The following PLPPR1 variants were observed in gnomAD, a reference collection of about 807,000 sequenced individuals.
PLPPR1 encodes the protein phospholipid phosphatase-related protein type 1.
Under a neutral mutation model 33.1 loss-of-function variants are expected in PLPPR1, and 10 were observed. The observed-to-expected ratio is 0.30, with a 90% confidence interval of 0.19 to 0.51. The LOEUF (loss-of-function observed/expected upper bound fraction) is 0.51, where lower values mean the gene tolerates loss of function less well. Ranked by LOEUF, PLPPR1 falls within the 20% of genes least tolerant of loss-of-function variation. The probability of loss-of-function intolerance (pLI) is 0.97; values close to 1 mark genes in which losing one functional copy is unlikely to be tolerated. For synonymous variants in PLPPR1, 151 were observed against 151.0 expected (o/e 1.00, Z 0.00); for missense variants, 304 against 408.1 (o/e 0.74, Z 2.20).
intron 3 of PLPPR1, 62 bp downstream of exon 3, chr9:101,270,130 T>C (rs778039803): frequency 1.3e-6 from 2 of 1,542,954 alleles, no homozygotes; most frequent in Non-Finnish European, 1.8e-6. Flanking sequence ...TTCTGTCTGC[T>C]TTTTCTCCTC....
At chr9:101,079,587 T>C (rs1830592603) in intron 1 of PLPPR1, among the ~76,000 whole-genome samples, 4 of 151,630 alleles carry the variant, frequency 2.6e-5, no homozygotes, top group Non-Finnish European at 5.9e-5. Context: ...GATTGCCTTT[T>C]TTTTTTTTTT....
intron 1 of PLPPR1, among the ~76,000 whole-genome samples, chr9:101,065,965 T>C (rs915831028): frequency 1.3e-5 from 2 of 152,184 alleles, no homozygotes; most frequent in Admixed American, 1.3e-4. Flanking sequence ...CCAATATTGA[T>C]ACACTTATTA....
intron 2 of PLPPR1, among the ~76,000 whole-genome samples, chr9:101,241,854 T>C (rs530738818): frequency 2.7e-4 from 41 of 152,214 alleles, no homozygotes; most frequent in African/African-American, 8.2e-4. Context: ...TTTGTAGTGG[T>C]TGCTTTAGCT....
chr9:101,147,902 T>C (rs1443415395), intron 1 of PLPPR1, among the ~76,000 whole-genome samples: 5 of 152,138 alleles, frequency 3.3e-5, no homozygotes, highest in Non-Finnish European at 7.4e-5. Flanking sequence ...CAAAGCCCAT[T>C]CTTATGGTCA....
intron 1 of PLPPR1, among the ~76,000 whole-genome samples, chr9:101,178,618 T>C (rs1826053330): frequency 6.6e-6 from 1 of 152,210 alleles, no homozygotes; most frequent in Non-Finnish European, 1.5e-5. Flanking sequence ...TCACTGGTCT[T>C]ACCATGTACC....
At chr9:101,312,309 A>C (rs999810032) in intron 5 of PLPPR1, among the ~76,000 whole-genome samples, 2 of 152,204 alleles carry the variant, frequency 1.3e-5, no homozygotes, top group Non-Finnish European at 2.9e-5. Flanking sequence ...AATCACCTGA[A>C]GGTGTGACAA....
intron 2 of PLPPR1, among the ~76,000 whole-genome samples, chr9:101,257,433 TG>T (rs768606977): frequency 3.9e-5 from 6 of 152,178 alleles, no homozygotes; most frequent in Non-Finnish European, 5.9e-5. Flanking sequence ...TGTGCTAAAC[TG>T]GGGTTACAGA....
At chr9:101,118,450 G>T (rs1450889250) in intron 1 of PLPPR1, among the ~76,000 whole-genome samples, 1 of 152,172 alleles carries the variant, frequency 6.6e-6, no homozygotes, top group Non-Finnish European at 1.5e-5. Flanking sequence ...AAGCACAGAA[G>T]ATCTGAGACT....
intron 1 of PLPPR1, among the ~76,000 whole-genome samples, chr9:101,061,576 A>C (rs1413878777): frequency 6.6e-6 from 1 of 151,972 alleles, no homozygotes; most frequent in Non-Finnish European, 1.5e-5. Flanking sequence ...AATGGCAAAA[A>C]GTGCAATTAC....
intron 1 of PLPPR1, among the ~76,000 whole-genome samples, chr9:101,046,884 G>A (rs191866633): frequency 6.6e-6 from 1 of 151,912 alleles, no homozygotes; most frequent in East Asian, 1.9e-4. Context: ...ATTTATCTTG[G>A]TTAAGTATCA....
chr9:101,275,559 A>C (rs1402422851), intron 3 of PLPPR1, among the ~76,000 whole-genome samples: 1 of 152,180 alleles, frequency 6.6e-6, no homozygotes, highest in Non-Finnish European at 1.5e-5. Context: ...AGAAATCTGC[A>C]GGGTATGTTC....
intron 2 of PLPPR1, among the ~76,000 whole-genome samples, chr9:101,205,255 C>A (rs1440527691): frequency 6.6e-6 from 1 of 152,072 alleles, no homozygotes; most frequent in East Asian, 1.9e-4. Context: ...TCTCAAAGAC[C>A]AGATTCAGGA....
intron 1 of PLPPR1, among the ~76,000 whole-genome samples, chr9:101,168,268 C>T (rs1825889368): frequency 6.6e-6 from 1 of 152,146 alleles, no homozygotes; most frequent in Non-Finnish European, 1.5e-5. Context: ...ACTCTAACAT[C>T]CTTAACTTGC....
At chr9:101,059,121 A>C (rs1002786064) in intron 1 of PLPPR1, among the ~76,000 whole-genome samples, 1 of 148,030 alleles carries the variant, frequency 6.8e-6, no homozygotes, top group African/African-American at 2.7e-5. Context: ...ACATTCTCTT[A>C]AATAACTTTT....
At chr9:101,169,544 C>T (rs1483562085) in intron 1 of PLPPR1, among the ~76,000 whole-genome samples, 1 of 152,134 alleles carries the variant, frequency 6.6e-6, no homozygotes, top group Non-Finnish European at 1.5e-5. Context: ...GCTTTCTTCT[C>T]AACTGCTTCA....
intron 2 of PLPPR1, among the ~76,000 whole-genome samples, chr9:101,248,340 C>A (rs1054962962): frequency 6.6e-6 from 1 of 152,064 alleles, no homozygotes; most frequent in Non-Finnish European, 1.5e-5. Flanking sequence ...AAGTCAAATG[C>A]TCTAAATGTA....
At chr9:101,064,637 C>T (rs1028820965) in intron 1 of PLPPR1, among the ~76,000 whole-genome samples, 5 of 152,000 alleles carry the variant, frequency 3.3e-5, no homozygotes, top group African/African-American at 1.2e-4. Flanking sequence ...AGACATAGAC[C>T]CCAATTCTGG....
chr9:101,198,465 T>C (rs1826437720), intron 2 of PLPPR1, among the ~76,000 whole-genome samples: 1 of 152,174 alleles, frequency 6.6e-6, no homozygotes, highest in Admixed American at 6.5e-5. Context: ...CAATGACAAA[T>C]TTCATACTCA....
intron 1 of PLPPR1, among the ~76,000 whole-genome samples, chr9:101,058,105 A>T (rs1235697184): frequency 6.6e-6 from 1 of 152,118 alleles, no homozygotes; most frequent in Non-Finnish European, 1.5e-5. Context: ...CTAGAGGTCC[A>T]TGGTTTTGTG....
Sources: allele counts gnomAD v4.1 joint callset (sites outside exome capture counted in the v4.1 genomes callset), GRCh38; gene constraint gnomAD v4.1.1; transcripts MANE v1.5; gene names NCBI Gene and HGNC (gene_info 2026-07-23, HGNC 2026-07-21).